Variants in CKAP2 observed in about 807,000 individuals in gnomAD.
CKAP2 encodes the protein cytoskeleton associated protein 2, also known as cytoskeleton-associated protein 2.
Under a neutral mutation model 58.4 loss-of-function variants are expected in CKAP2, and 46 were observed. The observed-to-expected ratio is 0.79, with a 90% confidence interval of 0.62 to 1.01. CKAP2 has a LOEUF of 1.01. Ranked by LOEUF, CKAP2 falls within the 50% of genes least tolerant of loss-of-function variation. CKAP2 has a pLI of 0.00. For synonymous variants in CKAP2, 293 were observed against 280.9 expected, an observed-to-expected ratio of 1.04 and a Z score of -0.43; for missense variants, 809 against 796.4, an observed-to-expected ratio of 1.02 and a Z score of -0.19.
Position 52,461,681 on chromosome 13 carries a change from T to A in CKAP2, c.855T>A (p.His285Gln). The change falls in exon 4 of 9, where the codon CAT (histidine) becomes CAA (glutamine). Residue 285 changes from histidine to glutamine, a missense_variant. By Grantham distance (24) the His-to-Gln change is conservative. Transcript: ENST00000258607. The stretch of plus-strand genomic sequence containing the variant: ...ATGTTACAATCCGGAAAGGGCCTCA[T>A]GAAAAAGAACTATTACAATCAAAAA... ...SANVTIRKGPHEKELLQSKTA... is the reference protein window; with the variant it reads ...SANVTIRKGPQEKELLQSKTA... 4.3e-6 allele frequency: 7 copies of A among 1,614,020 alleles called. No individual in the cohort carries two copies. Among genetic ancestry groups the A allele is most frequent in the Non-Finnish European group, 5.9e-6 (7 of 1,180,004 alleles).
chr13:52,475,902 G>A lies in CKAP2; in HGVS notation c.*761G>A, dbSNP rs1958822394. 1 of 152,188 alleles carries A rather than the reference G, an allele frequency of 6.6e-6. No individual in the cohort carries two copies. The highest frequency in any genetic ancestry group is 1.5e-5 in the Non-Finnish European group (1 of 68,032). 9.4% of individuals were successfully genotyped at this position (152,188 alleles called of 1,614,324 possible). On this transcript the variant is annotated 3_prime_UTR_variant, in exon 9 of 9. Coordinates refer to ENST00000258607, the MANE Select transcript of CKAP2 (RefSeq NM_018204.5). ...TTAACTTTTGTAACTTCACTTGATA[G>A]TTTTTAAGCAATTAGAATGGAGTTA...
rs1232110444 is a variant in CKAP2, at chr13:52,468,291, T to C, written c.1490T>C (p.Met497Thr). The C allele has an allele frequency of 6.3e-7, 1 of 1,597,306 alleles. No individual in the cohort carries two copies. Among genetic ancestry groups the C allele is most frequent in the East Asian group, 2.2e-5 (1 of 44,668 alleles). Residue 497 changes from methionine (M) to threonine (T), a missense_variant, in exon 7 of 9, where the codon ATG (methionine) becomes ACG (threonine). This residue lies in a region of CKAP2 where 283 missense variants were observed against 287.6 expected (regional missense o/e 0.98). Coordinates refer to ENST00000258607, the MANE Select transcript of CKAP2 (RefSeq NM_018204.5). ...ILAGAQPIEEMRHTIVDILTM... is the reference protein window; with the variant it reads ...ILAGAQPIEETRHTIVDILTM... Reference sequence around the variant, plus strand: ...AAAAAAATTAAGCCTATTGAAGAGATGCGACACACGATTGTAGATATTCTA... The same window carrying C: ...AAAAAAATTAAGCCTATTGAAGAGACGCGACACACGATTGTAGATATTCTA...
At chr13:52,457,127 C>T (rs1285920249) in intron 2 of CKAP2, among the ~76,000 whole-genome samples, 1 of 152,138 alleles carries the variant, frequency 6.6e-6, no homozygotes, top group Non-Finnish European at 1.5e-5. Context: ...GGACTCCTGA[C>T]CTTGAGATCC....
At chr13:52,474,684 C>T (rs1019872697) in intron 8 of CKAP2, among the ~76,000 whole-genome samples, 2 of 152,154 alleles carry the variant, frequency 1.3e-5, no homozygotes, top group African/African-American at 4.8e-5. Context: ...TCTACAGATA[C>T]TCAGGTATCT....
At chr13:52,459,005 C>G (rs1477571385) in intron 2 of CKAP2, among the ~76,000 whole-genome samples, 1 of 152,148 alleles carries the variant, frequency 6.6e-6, no homozygotes, top group Non-Finnish European at 1.5e-5. Context: ...TCCTAAGACT[C>G]ATTTCCGATA....
rs139530789 is a variant in CKAP2 at position 52,465,906 on chromosome 13, TATATATATACACAC to T, written c.1476+469_1476+482del. 3.2e-4 allele frequency: 89 copies of T among 278,094 alleles called. 1 individual carries two copies. The highest frequency in any genetic ancestry group is 1.9e-3 in the South Asian group (57 of 30,324). The allele number at this position is 278,094 out of a possible 1,614,324, so 17.2% of individuals were successfully genotyped here. ...GTAAACCCGAATGTACTCATATATG[TATATATATACACAC>T]ATATATATACACACATATATATACA... On this transcript the variant is annotated intron_variant, in intron 6 of 8. Transcript: ENST00000258607.
chr13:52,464,426 G>T (rs1436108204), intron 5 of CKAP2, among the ~76,000 whole-genome samples: 1 of 151,930 alleles, frequency 6.6e-6, no homozygotes, highest in Non-Finnish European at 1.5e-5. Flanking sequence ...GGAGGCGGGT[G>T]CCTGTAATCT....
At chr13:52,457,635 A>G (rs1215718879) in intron 2 of CKAP2, among the ~76,000 whole-genome samples, 2 of 152,164 alleles carry the variant, frequency 1.3e-5, no homozygotes, top group Non-Finnish European at 2.9e-5. Context: ...TGGGCAGATC[A>G]CGAGGTCAGG....
At chr13:52,467,831 A>G (rs1958703203) in intron 6 of CKAP2, among the ~76,000 whole-genome samples, 1 of 146,402 alleles carries the variant, frequency 6.8e-6, no homozygotes, top group Non-Finnish European at 1.5e-5. Context: ...TTTTTTTGAG[A>G]TGGAGTCTCA....
Position 52,461,444 on chromosome 13 carries a change from A to G in CKAP2, c.618A>G (p.Lys206=). The change falls in exon 4 of 9, where the codon AAA becomes AAG. Residue 206 remains lysine (K), a synonymous_variant. Coordinates refer to ENST00000258607, the MANE Select transcript of CKAP2 (RefSeq NM_018204.5). The stretch of plus-strand genomic sequence containing the variant: ...ATGAGAGTTCTGCAGCAACAAAGAA[A>G]CTTTCAGCCACTATACCTAAAGCCA... ...VKDESSAATK[K]LSATIPKATK... The G allele has an allele frequency of 1.2e-6, 2 of 1,614,200 alleles. No homozygotes were observed. The highest frequency in any genetic ancestry group is 1.7e-6 in the Non-Finnish European group (2 of 1,180,036).
Position 52,465,084 on chromosome 13 carries a change from T to C in CKAP2, c.1306-211T>C, listed in dbSNP as rs146877478. Among the ~76,000 whole-genome samples the C allele has an allele frequency of 3.3e-3, 499 of 152,256 alleles. 3 individuals are homozygous for C. The highest frequency in any genetic ancestry group is 0.011 in the African/African-American group (450 of 41,570). ...ACTCATAAACATTTGGTAGAAGGTA[T>C]TAACAAATGGAATCCCACAATATAT... On this transcript the variant is annotated intron_variant, in intron 5 of 8. Transcript: ENST00000258607.
chr13:52,463,052 C>T (rs886463794), intron 5 of CKAP2, among the ~76,000 whole-genome samples: 2 of 152,332 alleles, frequency 1.3e-5, no homozygotes, highest in Middle Eastern at 3.4e-3. Flanking sequence ...CTTCTCCTGC[C>T]TCAGCCTCCA....
intron 2 of CKAP2, among the ~76,000 whole-genome samples, chr13:52,458,472 A>G (rs1357032511): frequency 2.6e-5 from 4 of 152,250 alleles, no homozygotes; most frequent in Non-Finnish European, 5.9e-5. Flanking sequence ...TAAATAAAGA[A>G]TCCAACAAGG....
intron 2 of CKAP2, among the ~76,000 whole-genome samples, chr13:52,457,888 T>C (rs1041750686): frequency 1.3e-5 from 2 of 151,974 alleles, no homozygotes; most frequent in Admixed American, 6.6e-5. Context: ...TAAACAAAAT[T>C]GTATATACCA....
intron 6 of CKAP2, among the ~76,000 whole-genome samples, chr13:52,466,073 CTG>C (rs2137857196): frequency 6.6e-6 from 1 of 151,840 alleles, no homozygotes; most frequent in South Asian, 2.1e-4. Flanking sequence ...TATGTATACA[CTG>C]TATATATTGG....
Position 52,456,541 on chromosome 13 carries a change from T to C in CKAP2, c.89T>C (p.Leu30Pro), listed in dbSNP as rs754980729. 1 of 1,613,486 alleles carries C rather than the reference T, an allele frequency of 6.2e-7. No individual in the cohort carries two copies. Among genetic ancestry groups the C allele is most frequent in the Non-Finnish European group, 8.5e-7 (1 of 1,179,706 alleles). Residue 30 changes from leucine (L) to proline (P), a missense_variant, in exon 2 of 9, where the codon CTC becomes CCC. By Grantham distance (98) the Leu-to-Pro change is moderately conservative. Transcript: ENST00000258607. ...SAFKEQRRQK[L>P]KEHLLRRKTL... ...TATCTAGAGCAAAGAAGACAAAAAC[T>C]CAAGGAACATCTGTTGAGAAGAAAA...
At chr13:52,462,171 C>G (rs1373019491) in intron 4 of CKAP2, among the ~76,000 whole-genome samples, 192 bp from the exon 5 acceptor site, 1 of 152,024 alleles carries the variant, frequency 6.6e-6, no homozygotes, top group Non-Finnish European at 1.5e-5. Flanking sequence ...TTTATAATCT[C>G]AAATCAAAAA....
In CKAP2 at chr13:52,468,311, A is replaced by G; in HGVS notation, c.1510A>G (p.Ile504Val). The stretch of plus-strand genomic sequence containing the variant: ...AGAGATGCGACACACGATTGTAGAT[A>G]TTCTAACAATGAAGAGTCAAGAAAA... ...IEEMRHTIVDILTMKSQEKAN... is the reference protein window; with the variant it reads ...IEEMRHTIVDVLTMKSQEKAN... Residue 504 changes from isoleucine (I) to valine (V), a missense_variant, in exon 7 of 9, where the codon ATT (isoleucine) becomes GTT (valine). By Grantham distance (29) the Ile-to-Val change is conservative. Coordinates refer to ENST00000258607, the MANE Select transcript of CKAP2 (RefSeq NM_018204.5). 2 of 1,602,768 alleles carry G rather than the reference A, an allele frequency of 1.2e-6. No individual in the cohort carries two copies. Among genetic ancestry groups the G allele is most frequent in the South Asian group, 1.1e-5 (1 of 88,672 alleles).
At chr13:52,474,683 A>G (rs1311132054) in intron 8 of CKAP2, among the ~76,000 whole-genome samples, 1 of 152,232 alleles carries the variant, frequency 6.6e-6, no homozygotes, top group African/African-American at 2.4e-5. Flanking sequence ...TTCTACAGAT[A>G]CTCAGGTATC....
Sources: gnomAD v4.1 joint callset for allele counts (sites outside exome capture counted in the v4.1 genomes callset) on GRCh38, gnomAD v4.1.1 for gene constraint, gnomAD v4.1.1 regional missense constraint, MANE v1.5 for transcripts, NCBI Gene and HGNC (gene_info 2026-07-23, HGNC 2026-07-21) for gene names.